The following EMC2 variants were observed in gnomAD, a reference collection of about 807,000 sequenced individuals.
EMC2 encodes TPR repeat protein 35.
In EMC2, 37 loss-of-function variants were observed where a neutral mutation model predicts 51.6. The observed-to-expected ratio is 0.72, with a 90% CI of 0.55 to 0.94. EMC2 has a LOEUF of 0.94. Ranked by LOEUF, EMC2 falls within the 40% of genes least tolerant of loss-of-function variation. EMC2 has a pLI of 0.00. For missense variants in EMC2, 359 were observed against 350.9 expected, an observed-to-expected ratio of 1.02 and a Z score of -0.18; for synonymous variants, 131 against 112.4, an observed-to-expected ratio of 1.17 and a Z score of -1.04.
Position 108,487,121 on chromosome 8 carries a change from A to G in EMC2, c.*523A>G, listed in dbSNP as rs1293285784. ...CTATTTGAATTGTTTTATCTGCTGTAATATCCTTCTGATGAATCTTGCTTA... is the reference window on the plus strand; with the variant it reads ...CTATTTGAATTGTTTTATCTGCTGTGATATCCTTCTGATGAATCTTGCTTA... On this transcript the variant is annotated 3_prime_UTR_variant, in exon 11 of 11. Coordinates refer to ENST00000220853, the MANE Select transcript of EMC2 (RefSeq NM_014673.5). 3.3e-5 allele frequency among the ~76,000 whole-genome samples: 5 copies of G among 152,202 alleles called. No individual in the cohort carries two copies. In the East Asian group the frequency reaches 9.7e-4, roughly 29 times the overall value.
intron 5 of EMC2, 67 bp downstream of exon 5, chr8:108,455,997 A>G (rs1042849556): frequency 1.9e-5 from 10 of 517,904 alleles, no homozygotes; most frequent in African/African-American, 4.6e-5. Flanking sequence ...AATCGAGGAA[A>G]TAATAGATAC....
intron 9 of EMC2, among the ~76,000 whole-genome samples, chr8:108,478,507 CTCTT>C (rs991693137): frequency 4.6e-4 from 70 of 152,094 alleles, no homozygotes; most frequent in African/African-American, 1.6e-3. Context: ...AGTTAAATCT[CTCTT>C]ATTGGACTTA....
intron 10 of EMC2, among the ~76,000 whole-genome samples, chr8:108,484,611 G>A (rs1419268072): frequency 2.6e-5 from 4 of 151,788 alleles, no homozygotes; most frequent in Admixed American, 2.0e-4. Context: ...CTATTTAAAA[G>A]CAATTAGAAT....
intron 1 of EMC2, among the ~76,000 whole-genome samples, chr8:108,445,589 C>A (rs34127184): frequency 0.023 from 3,506 of 151,630 alleles, 53 homozygotes; most frequent in South Asian, 0.046. Context: ...CCTCATCCCC[C>A]ACCAAAATTG....
At position 108,469,812 on chromosome 8, in the gene EMC2, A is replaced by G. The variant is rs751566215; in HGVS notation, c.364-14A>G. On this transcript the variant is annotated splice_polypyrimidine_tract_variant and intron_variant, in intron 5 of 10. Coordinates refer to ENST00000220853, the MANE Select transcript of EMC2 (RefSeq NM_014673.5). ...ATCATAAGGGCCTAATCCTTTATTA[A>G]TGTCAACCCACAGGCTGCAAGAAAG... The G allele has an allele frequency of 1.9e-6, 3 of 1,610,630 alleles. No homozygotes were observed. Among genetic ancestry groups the G allele is most frequent in the African/African-American group, 1.3e-5 (1 of 74,804 alleles).
intron 2 of EMC2, 97 bp from the exon 3 acceptor site, chr8:108,450,331 T>C: frequency 2.6e-6 from 2 of 756,376 alleles, no homozygotes; most frequent in Non-Finnish European, 2.4e-6. Flanking sequence ...TTATAAGTAA[T>C]GTTCTCTAGA....
At chr8:108,486,016 T>G (rs1811131654) in intron 10 of EMC2, among the ~76,000 whole-genome samples, 1 of 151,848 alleles carries the variant, frequency 6.6e-6, no homozygotes, top group South Asian at 2.1e-4. Flanking sequence ...AAAAAAATTA[T>G]GAGCTACTTT....
intron 5 of EMC2, among the ~76,000 whole-genome samples, chr8:108,456,807 A>G (rs1407083741): frequency 6.6e-6 from 1 of 152,206 alleles, no homozygotes; most frequent in Non-Finnish European, 1.5e-5. Context: ...ACTTTAGATA[A>G]TACATCAGTC....
intron 10 of EMC2, among the ~76,000 whole-genome samples, chr8:108,480,413 C>T (rs911046878): frequency 3.3e-5 from 5 of 152,050 alleles, no homozygotes; most frequent in African/African-American, 1.2e-4. Context: ...CTATGGCCGT[C>T]TCCTTTTTTG....
At chr8:108,461,438 C>G (rs566349060) in intron 5 of EMC2, among the ~76,000 whole-genome samples, 4 of 152,292 alleles carry the variant, frequency 2.6e-5, no homozygotes, top group African/African-American at 4.8e-5. Context: ...GACTTTGAAA[C>G]TGATTTATTA....
In EMC2 at chr8:108,445,323, G is replaced by A. The variant is rs73699814; in HGVS notation, c.40+1625G>A. Among the ~76,000 whole-genome samples the A allele has an allele frequency of 5.3e-3, 810 of 152,228 alleles. 5 individuals are homozygous for A. The highest frequency in any genetic ancestry group is 0.018 in the African/African-American group (756 of 41,546). On this transcript the variant is annotated intron_variant, in intron 1 of 10. Coordinates refer to ENST00000220853, the MANE Select transcript of EMC2 (RefSeq NM_014673.5). ...ATGTCCTTCCTCTGTATGATCTGGCGGTTGCCCATGTCTCCAGCTTTATCT... is the reference window on the plus strand; with the variant it reads ...ATGTCCTTCCTCTGTATGATCTGGCAGTTGCCCATGTCTCCAGCTTTATCT...
chr8:108,481,934 G>A (rs995158439), intron 10 of EMC2, among the ~76,000 whole-genome samples: 4 of 152,148 alleles, frequency 2.6e-5, no homozygotes, highest in South Asian at 4.2e-4. Context: ...TTATTGCTAT[G>A]CATTTGGAAT....
intron 5 of EMC2, among the ~76,000 whole-genome samples, chr8:108,466,442 A>ATTTTTTTTTTTTTTTTTTTTTTTTTT (rs869102478): frequency 1.1e-5 from 1 of 91,036 alleles, no homozygotes; most frequent in African/African-American, 4.7e-5. Flanking sequence ...CTATGATAGA[A>ATTTTTTTTTTTTTTTTTTTTTTTTTT]TTTTTTTTTT....
chr8:108,475,678 T>C, intron 7 of EMC2: 1 of 486,524 alleles, frequency 2.1e-6, no homozygotes, highest in Non-Finnish European at 3.6e-6. Flanking sequence ...TTTAAGCCTG[T>C]GTTTATTAAT....
At chr8:108,475,703 T>G in intron 7 of EMC2, 179 bp from the exon 8 acceptor site, 1 of 516,750 alleles carries the variant, frequency 1.9e-6, no homozygotes, top group Non-Finnish European at 3.4e-6. Context: ...TGATAAAATT[T>G]AATGTCATTG....
chr8:108,449,811 TA>T lies in EMC2; in HGVS notation c.41-11del. 1 of 1,257,486 alleles carries T rather than the reference TA, an allele frequency of 8.0e-7. No individual in the cohort carries two copies. The highest frequency in any genetic ancestry group is 1.2e-6 in the Non-Finnish European group (1 of 860,304). 77.9% of individuals were successfully genotyped at this position (1,257,486 alleles called of 1,614,324 possible). The stretch of plus-strand genomic sequence containing the variant: ...GTACATATACACTTAAATGTCATGT[TA>T]TTTTTTTCAGAAATGAGAGATAAAA... On this transcript the variant is annotated splice_polypyrimidine_tract_variant and intron_variant, in intron 1 of 10. Coordinates refer to ENST00000220853, the MANE Select transcript of EMC2 (RefSeq NM_014673.5).
chr8:108,486,703 T>A lies in EMC2; in HGVS notation c.*105T>A. On this transcript the variant is annotated 3_prime_UTR_variant, in exon 11 of 11. Coordinates refer to ENST00000220853, the MANE Select transcript of EMC2 (RefSeq NM_014673.5). ...CAGTGCTATTTATATACTACAGTAATTTTCTGTTAAGAAGGCAGTTGTAAA... is the reference window on the plus strand; with the variant it reads ...CAGTGCTATTTATATACTACAGTAAATTTCTGTTAAGAAGGCAGTTGTAAA... 8.6e-7 allele frequency: 1 copy of A among 1,164,888 alleles called. No individual in the cohort carries two copies. The highest frequency in any genetic ancestry group is 1.2e-6 in the Non-Finnish European group (1 of 864,740). 72.2% of individuals were successfully genotyped at this position (1,164,888 alleles called of 1,614,324 possible).
At position 108,488,166 on chromosome 8, in the gene EMC2, CTT is replaced by C. The variant is rs5893921; in HGVS notation, c.*1585_*1586del. 4.7e-3 allele frequency among the ~76,000 whole-genome samples: 605 copies of C among 127,578 alleles called. 3 individuals are homozygous for C. Among genetic ancestry groups the C allele is most frequent in the African/African-American group, 0.013 (449 of 33,712 alleles). 83.7% of individuals were successfully genotyped at this position (127,578 alleles called of 152,430 possible). A position where few individuals can be genotyped will look rare whatever the true frequency, so the allele number is the denominator to read the frequency against. ...CTTATAGCTGTCTGCCTTAGTTTCA[CTT>C]TTTTTTTTTTTTTTTTGAGACAGTC... On this transcript the variant is annotated 3_prime_UTR_variant, in exon 11 of 11. Transcript: ENST00000220853.
At chr8:108,452,963 G>T (rs965908683) in intron 3 of EMC2, 99 bp from the exon 4 acceptor site, 12 of 485,840 alleles carry the variant, frequency 2.5e-5, no homozygotes, top group African/African-American at 1.6e-4. Flanking sequence ...TGACACTAAT[G>T]AAATTATTCA....
Sources: gnomAD v4.1 joint callset for allele counts (sites outside exome capture counted in the v4.1 genomes callset) on GRCh38, gnomAD v4.1.1 for gene constraint, MANE v1.5 for transcripts, NCBI Gene and HGNC (gene_info 2026-07-23, HGNC 2026-07-21) for gene names.